Variants in CPEB1 observed in about 807,000 individuals in gnomAD.
The protein encoded by CPEB1 is cytoplasmic polyadenylation element-binding protein 1.
A neutral mutation model predicts 65.8 loss-of-function variants in CPEB1; 7 were observed. The observed-to-expected ratio is 0.11, with a 90% CI of 0.06 to 0.20. The LOEUF (loss-of-function observed/expected upper bound fraction) is 0.20. Ranked by LOEUF, CPEB1 falls within the 10% of genes least tolerant of loss-of-function variation. The pLI is 1.00. For synonymous variants in CPEB1, 262 were observed against 260.0 expected (o/e 1.01, Z -0.08); for missense variants, 551 against 712.2 (o/e 0.77, Z 2.58).
intron 3 of CPEB1, among the ~76,000 whole-genome samples, chr15:82,582,459 CT>C (rs553262039): frequency 6.6e-6 from 1 of 152,104 alleles, no homozygotes; most frequent in Non-Finnish European, 1.5e-5. Context: ...GCCATCCCGT[CT>C]TTTTTTACTA....
chr15:82,604,280 G>A (rs1022326289), intron 3 of CPEB1, among the ~76,000 whole-genome samples: 11 of 152,150 alleles, frequency 7.2e-5, no homozygotes, highest in Non-Finnish European at 1.2e-4. Flanking sequence ...TCAGGAGATT[G>A]AGAGCATCCT....
At chr15:82,579,768 C>T (rs1351494135) in intron 3 of CPEB1, among the ~76,000 whole-genome samples, 1 of 148,628 alleles carries the variant, frequency 6.7e-6, no homozygotes, top group Non-Finnish European at 1.5e-5. Context: ...AAAAATTAGC[C>T]GGGCGCAGTG....
At chr15:82,591,029 C>T (rs1035312721) in intron 3 of CPEB1, among the ~76,000 whole-genome samples, 1 of 152,180 alleles carries the variant, frequency 6.6e-6, no homozygotes, top group Non-Finnish European at 1.5e-5. Context: ...TTGGTACATA[C>T]TCAGCAATGG....
chr15:82,549,443 A>G lies in CPEB1; in HGVS notation c.1480+17T>C, dbSNP rs572793300. The G allele has an allele frequency of 8.1e-5, 130 of 1,614,180 alleles. 4 individuals are homozygous for G. The South Asian group carries it at 1.4e-3, about 17-fold the overall frequency. On this transcript the variant is annotated intron_variant, in intron 10 of 12. Transcript: ENST00000684509. ...AGGGGCCAACCAAGCTTTCGCACAC[A>G]GAAGTGGGACACTTACCAATGGGAT... is the stretch of plus-strand genomic sequence containing the variant.
rs200502593 is a variant in CPEB1 at position 82,552,585 on chromosome 15, C to T, written c.1176G>A (p.Lys392=). 4.0e-4 allele frequency: 653 copies of T among 1,614,122 alleles called. 4 individuals are homozygous for T. The African/African-American group carries it at 8.2e-3, about 20-fold the overall frequency. ...AAGCCTGAAGCAAGGATCGGACAGA[C>T]TTCTCTAGTTCGAAGACCAGATACA... ...GYVYLVFELE[K]SVRSLLQACS... The change falls in exon 9 of 13, where the codon AAG becomes AAA. Residue 392 remains lysine, a synonymous_variant. Coordinates refer to ENST00000684509, the MANE Select transcript of CPEB1 (RefSeq NM_001365242.1).
chr15:82,642,022 T>A (rs1335373116), intron 1 of CPEB1, among the ~76,000 whole-genome samples: 2 of 152,248 alleles, frequency 1.3e-5, no homozygotes. Flanking sequence ...AATTTTCCTA[T>A]GAAAATATGA....
In CPEB1 at chr15:82,611,939, A is replaced by T. The variant is rs1300876891; in HGVS notation, c.271+15254T>A. Among the ~76,000 whole-genome samples the T allele has an allele frequency of 2.0e-5, 3 of 152,052 alleles. No individual in the cohort carries two copies. The East Asian group carries it at 5.8e-4, about 29-fold the overall frequency. ...AAAAAAGCAAACGTAATGTTAAGAA[A>T]TACTGGAAATTTTGTAATCCCAGCA... is the stretch of plus-strand genomic sequence containing the variant. On this transcript the variant is annotated intron_variant, in intron 3 of 12. Transcript: ENST00000684509.
intron 4 of CPEB1, among the ~76,000 whole-genome samples, chr15:82,568,317 C>T (rs747181476): frequency 6.6e-6 from 1 of 152,136 alleles, no homozygotes; most frequent in African/African-American, 2.4e-5. Flanking sequence ...TTCCACAGCC[C>T]TTCTGTTCCA....
At chr15:82,612,871 A>G (rs367868763) in intron 3 of CPEB1, among the ~76,000 whole-genome samples, 2 of 151,784 alleles carry the variant, frequency 1.3e-5, no homozygotes, top group African/African-American at 4.8e-5. Context: ...CAAACAAAAC[A>G]AACAAACAAA....
chr15:82,593,986 T>G (rs1312584291), intron 3 of CPEB1, among the ~76,000 whole-genome samples: 2 of 152,344 alleles, frequency 1.3e-5, no homozygotes, highest in Middle Eastern at 3.4e-3. Flanking sequence ...GTTCCATTTA[T>G]AGAGCACAGG....
At chr15:82,623,928 C>T (rs991496759) in intron 3 of CPEB1, among the ~76,000 whole-genome samples, 7 of 152,076 alleles carry the variant, frequency 4.6e-5, no homozygotes, top group African/African-American at 1.4e-4. Flanking sequence ...CTATCATTTA[C>T]TTAACATTCT....
chr15:82,605,837 G>C (rs552593002), intron 3 of CPEB1, among the ~76,000 whole-genome samples: 1 of 151,970 alleles, frequency 6.6e-6, no homozygotes, highest in Non-Finnish European at 1.5e-5. Context: ...TCGGGAGTTC[G>C]AGACCAGCCT....
At chr15:82,570,941 T>G (rs2039935267) in intron 4 of CPEB1, among the ~76,000 whole-genome samples, 1 of 152,130 alleles carries the variant, frequency 6.6e-6, no homozygotes, top group Non-Finnish European at 1.5e-5. Context: ...ACTGAGTAAT[T>G]CTGGTCATCC....
rs376442546 is a variant in CPEB1 at position 82,553,422 on chromosome 15, A to G, written c.1144+45T>C. On this transcript the variant is annotated intron_variant, in intron 8 of 12. Coordinates refer to ENST00000684509, the MANE Select transcript of CPEB1 (RefSeq NM_001365242.1). ...GGTGCAGTTATGTACTAGGGAAGGGAAAAAAAAGCTCCTACCATGTCTTTA... is the reference window on the plus strand; with the variant it reads ...GGTGCAGTTATGTACTAGGGAAGGGGAAAAAAAGCTCCTACCATGTCTTTA... The G allele has an allele frequency of 4.9e-3, 7,067 of 1,452,534 alleles. 23 individuals carry two copies. Among genetic ancestry groups the G allele is most frequent in the Non-Finnish European group, 6.0e-3 (6,188 of 1,037,796 alleles). 90.0% of individuals were successfully genotyped at this position (1,452,534 alleles called of 1,614,324 possible). A position where few individuals can be genotyped will look rare whatever the true frequency, so the allele number is the denominator to read the frequency against.
chr15:82,598,602 T>C (rs1033247634), intron 3 of CPEB1, among the ~76,000 whole-genome samples: 2 of 152,014 alleles, frequency 1.3e-5, no homozygotes, highest in Non-Finnish European at 2.9e-5. Context: ...CTGACCAACA[T>C]GGTGAAACCC....
chr15:82,610,958 CAAAAAAAAAAAAAAAAA>C (rs60065545), intron 3 of CPEB1, among the ~76,000 whole-genome samples: 4 of 30,020 alleles, frequency 1.3e-4, no homozygotes, highest in African/African-American at 2.6e-4. Flanking sequence ...ACTCCAGTCT[CAAAAAAAAAAAAAAAAA>C]AAAAAAAAAA....
intron 3 of CPEB1, among the ~76,000 whole-genome samples, chr15:82,584,564 G>C (rs1333526657): frequency 6.6e-6 from 1 of 151,420 alleles, no homozygotes; most frequent in Non-Finnish European, 1.5e-5. Flanking sequence ...TGTAATCTCA[G>C]CTACTCTAGA....
rs759715881 is a variant in CPEB1, at chr15:82,594,365, AAAAG to A, written c.272-22837_272-22834del. Among the ~76,000 whole-genome samples the A allele has an allele frequency of 7.6e-3, 289 of 38,112 alleles. 1 individual carries two copies. Among genetic ancestry groups the A allele is most frequent in the Non-Finnish European group, 0.01 (215 of 21,494 alleles). The allele number at this position is 38,112 out of a possible 152,430, so 25.0% of individuals were successfully genotyped here. A position where few individuals can be genotyped will look rare whatever the true frequency, so the allele number is the denominator to read the frequency against. ...TCCCTTAAACCTCATGAACCAAAAAAAAAGAAAAGAAAAGAAAAGAAAAAGAAAA... is the reference window on the plus strand; with the variant it reads ...TCCCTTAAACCTCATGAACCAAAAAAAAAAGAAAAGAAAAGAAAAAGAAAA... On this transcript the variant is annotated intron_variant, in intron 3 of 12. Transcript: ENST00000684509.
chr15:82,595,795 G>C (rs1169919824), intron 3 of CPEB1, among the ~76,000 whole-genome samples: 1 of 152,206 alleles, frequency 6.6e-6, no homozygotes, highest in Admixed American at 6.5e-5. Context: ...CAGAGAATTA[G>C]AAAACTGCTA....
Sources: gnomAD v4.1 joint callset for allele counts (sites outside exome capture counted in the v4.1 genomes callset) on GRCh38, gnomAD v4.1.1 for gene constraint, MANE v1.5 for transcripts, NCBI Gene and HGNC (gene_info 2026-07-23, HGNC 2026-07-21) for gene names.